Variants in ZZEF1 observed in about 807,000 individuals in gnomAD.
ZZEF1 encodes zinc finger ZZ-type and EF-hand domain-containing protein 1.
A neutral mutation model predicts 342.8 loss-of-function variants in ZZEF1; 157 were observed. The observed-to-expected ratio is 0.46, with a 90% CI of 0.40 to 0.52. The LOEUF is 0.52. Ranked by LOEUF, ZZEF1 falls within the 20% of genes least tolerant of loss-of-function variation. ZZEF1 has a pLI of 0.00. For missense variants in ZZEF1, 3,480 were observed against 3,725.6 expected, an observed-to-expected ratio of 0.93 and a Z score of 1.72; for synonymous variants, 1,505 against 1,429.1, an observed-to-expected ratio of 1.05 and a Z score of -1.20.
At chr17:4,065,316 G>C (rs949667377) in intron 28 of ZZEF1, among the ~76,000 whole-genome samples, 2 of 151,922 alleles carry the variant, frequency 1.3e-5, no homozygotes, top group African/African-American at 4.8e-5. Flanking sequence ...AGGATTGCTT[G>C]AGTCTGAGAA....
intron 43 of ZZEF1, among the ~76,000 whole-genome samples, chr17:4,023,470 C>A (rs1019009505): frequency 4.6e-5 from 7 of 152,104 alleles, no homozygotes; most frequent in African/African-American, 1.7e-4. Flanking sequence ...TTTTCCCTTT[C>A]CTACTATGAT....
chr17:4,068,255 A>T (rs1290758293), intron 26 of ZZEF1, among the ~76,000 whole-genome samples: 1 of 152,182 alleles, frequency 6.6e-6, no homozygotes, highest in East Asian at 1.9e-4. Flanking sequence ...GTTGCTACAT[A>T]AACAGGTTTT....
chr17:4,009,849 C>T (rs1283289211), intron 52 of ZZEF1, 92 bp from the exon 53 acceptor site: 1 of 1,412,110 alleles, frequency 7.1e-7, no homozygotes, highest in Non-Finnish European at 9.6e-7. Context: ...CTCAGACCCT[C>T]CCTCTCCCAC....
At chr17:4,039,935 T>C (rs12940301) in intron 39 of ZZEF1, among the ~76,000 whole-genome samples, 18 of 152,298 alleles carry the variant, frequency 1.2e-4, no homozygotes, top group East Asian at 1.9e-4. Context: ...TGAGCCACCG[T>C]GCCCAGCCGA....
chr17:4,022,939 C>A (rs1028183666), intron 43 of ZZEF1, 111 bp from the exon 44 acceptor site: 26 of 1,396,208 alleles, frequency 1.9e-5, no homozygotes, highest in African/African-American at 2.9e-5. Context: ...CCATTCAACA[C>A]ATACTTTTGA....
Position 4,142,870 on chromosome 17 carries a change from C to G in ZZEF1, c.26G>C (p.Ser9Thr), listed in dbSNP as rs755387517. 7 of 1,384,732 alleles carry G rather than the reference C, an allele frequency of 5.1e-6. No homozygotes were observed. Among genetic ancestry groups the G allele is most frequent in the Non-Finnish European group, 5.6e-6 (6 of 1,078,310 alleles). The allele number at this position is 1,384,732 out of a possible 1,614,324, so 85.8% of individuals were successfully genotyped here. A position where few individuals can be genotyped will look rare whatever the true frequency, so the allele number is the denominator to read the frequency against. Residue 9 changes from serine to threonine, a missense_variant, in exon 1 of 55, where the codon AGT becomes ACT. This residue lies in a region of ZZEF1 where 416 missense variants were observed against 374.2 expected (regional missense o/e 1.11). Coordinates refer to ENST00000381638, the MANE Select transcript of ZZEF1 (RefSeq NM_015113.4). ...ACCGGCAGCTGCCGCTTCGTCTTCA[C>G]TGCTGTGACTCGGAGCGTTCCCCAT... is the stretch of plus-strand genomic sequence containing the variant. MGNAPSHS[S>T]EDEAAAAGGE...
intron 1 of ZZEF1, among the ~76,000 whole-genome samples, chr17:4,132,956 A>T (rs1461088110): frequency 1.3e-5 from 2 of 149,474 alleles, no homozygotes; most frequent in Non-Finnish European, 3.0e-5. Context: ...ACAGAGCGAG[A>T]CTCCATCTCA....
chr17:4,058,601 G>A (rs1021402786), intron 31 of ZZEF1, among the ~76,000 whole-genome samples: 1 of 152,172 alleles, frequency 6.6e-6, no homozygotes, highest in East Asian at 1.9e-4. Context: ...CTGGCTGGGC[G>A]TGGTGGCTCA....
At chr17:4,120,650 G>A (rs1051831367) in intron 2 of ZZEF1, among the ~76,000 whole-genome samples, 3 of 152,034 alleles carry the variant, frequency 2.0e-5, no homozygotes, top group African/African-American at 7.2e-5. Flanking sequence ...AAACCTATGT[G>A]AGAAAACAGA....
chr17:4,036,862 C>A (rs984922773), intron 39 of ZZEF1, among the ~76,000 whole-genome samples: 13 of 149,570 alleles, frequency 8.7e-5, no homozygotes, highest in African/African-American at 3.2e-4. Context: ...CCCGCCCGCC[C>A]GCACTGGGAA....
intron 52 of ZZEF1, among the ~76,000 whole-genome samples, chr17:4,012,775 A>T (rs2055997776): frequency 6.6e-6 from 1 of 152,238 alleles, no homozygotes; most frequent in Non-Finnish European, 1.5e-5. Flanking sequence ...TGAACAAAGT[A>T]AGGTCACTGG....
intron 1 of ZZEF1, among the ~76,000 whole-genome samples, chr17:4,141,649 C>G (rs2058851081): frequency 6.6e-6 from 1 of 151,820 alleles, no homozygotes; most frequent in African/African-American, 2.4e-5. Flanking sequence ...CACACGTTTA[C>G]CTATGTAATA....
chr17:4,037,395 C>T (rs1408851634), intron 39 of ZZEF1, among the ~76,000 whole-genome samples: 1 of 152,162 alleles, frequency 6.6e-6, no homozygotes, highest in South Asian at 2.1e-4. Context: ...GCCCAAGAGG[C>T]AAAGCCTGAA....
intron 9 of ZZEF1, among the ~76,000 whole-genome samples, chr17:4,099,886 C>T (rs2058098352): frequency 6.7e-6 from 1 of 149,158 alleles, no homozygotes; most frequent in African/African-American, 2.5e-5. Context: ...GACACCCTGC[C>T]CTCCACTTGC....
chr17:4,106,883 C>T (rs930731186), intron 6 of ZZEF1, among the ~76,000 whole-genome samples: 12 of 152,072 alleles, frequency 7.9e-5, no homozygotes, highest in Non-Finnish European at 1.5e-4. Context: ...AATGAAAATC[C>T]CTGAAACAAT....
chr17:4,102,227 G>T (rs747360), intron 9 of ZZEF1, 90 bp downstream of exon 9: 8 of 1,146,320 alleles, frequency 7.0e-6, no homozygotes, highest in Non-Finnish European at 1.0e-5. Flanking sequence ...AAGACTGCAC[G>T]CCTCAAACAT....
Position 4,090,712 on chromosome 17 carries a change from T to C in ZZEF1, c.2025+7A>G. On this transcript the variant is annotated splice_region_variant and intron_variant, in intron 12 of 54. Transcript: ENST00000381638. ...GGGGAGTGGGCAAACGACGCACTAA[T>C]GCTTACTTTGGCAACTCTGCACTGT... 1 of 1,612,410 alleles carries C rather than the reference T, an allele frequency of 6.2e-7. No homozygotes were observed. Among genetic ancestry groups the C allele is most frequent in the South Asian group, 1.1e-5 (1 of 91,062 alleles).
chr17:4,053,062 A>T (rs1341905106), intron 34 of ZZEF1, among the ~76,000 whole-genome samples: 1 of 152,068 alleles, frequency 6.6e-6, no homozygotes, highest in Non-Finnish European at 1.5e-5. Context: ...ACTGTCATGA[A>T]CCCAGTCCAG....
At chr17:4,061,326 C>T (rs139939455) in intron 30 of ZZEF1, among the ~76,000 whole-genome samples, 89 of 152,262 alleles carry the variant, frequency 5.8e-4, no homozygotes, top group Non-Finnish European at 4.7e-4. Flanking sequence ...TGACTGGCCA[C>T]TGCTTCTTGA....
Sources: gnomAD v4.1 joint callset for allele counts (sites outside exome capture counted in the v4.1 genomes callset) on GRCh38, gnomAD v4.1.1 for gene constraint, gnomAD v4.1.1 regional missense constraint, MANE v1.5 for transcripts, NCBI Gene and HGNC (gene_info 2026-07-23, HGNC 2026-07-21) for gene names.